Variants in GRID1 observed in about 807,000 individuals in gnomAD.
GRID1 encodes glutamate receptor ionotropic, delta-1.
A neutral mutation model predicts 98.0 loss-of-function variants in GRID1; 28 were observed. The observed-to-expected ratio is 0.29, with a 90% CI of 0.21 to 0.39. The LOEUF (loss-of-function observed/expected upper bound fraction) is 0.39. Ranked by LOEUF, GRID1 falls within the 10% of genes least tolerant of loss-of-function variation. The pLI, the probability that GRID1 is intolerant of heterozygous loss-of-function variation, is 1.00. For missense variants in GRID1, 1,111 were observed against 1,340.5 expected (o/e 0.83, Z 2.67); for synonymous variants, 553 against 538.5 (o/e 1.03, Z -0.37).
At chr10:86,149,223 G>A (rs1055935739) in intron 3 of GRID1, among the ~76,000 whole-genome samples, 2 of 152,266 alleles carry the variant, frequency 1.3e-5, no homozygotes. Flanking sequence ...GTGGCTTGAA[G>A]GGGAAGGTCT....
chr10:85,807,347 CT>C (rs138151392), intron 8 of GRID1, among the ~76,000 whole-genome samples: 4,950 of 149,184 alleles, frequency 0.033, 122 homozygotes, highest in Non-Finnish European at 0.047. Flanking sequence ...AAGATTCCAT[CT>C]CCTCAAATAA....
At chr10:85,787,607 G>C (rs1387905993) in intron 8 of GRID1, among the ~76,000 whole-genome samples, 1 of 152,186 alleles carries the variant, frequency 6.6e-6, no homozygotes, top group Non-Finnish European at 1.5e-5. Context: ...CCTTCCAAGA[G>C]CCTGCCCAGC....
intron 2 of GRID1, among the ~76,000 whole-genome samples, chr10:86,242,081 T>C (rs918807047): frequency 2.0e-5 from 3 of 152,262 alleles, no homozygotes; most frequent in Admixed American, 1.3e-4. Context: ...GCATTTACTA[T>C]GTGCCAAGCC....
intron 8 of GRID1, among the ~76,000 whole-genome samples, chr10:85,769,707 G>C (rs980963051): frequency 6.6e-6 from 1 of 152,214 alleles, no homozygotes; most frequent in East Asian, 1.9e-4. Context: ...TACACCCACG[G>C]AGTCTCGCTG....
intron 5 of GRID1, among the ~76,000 whole-genome samples, chr10:85,873,094 G>A (rs867011758): frequency 1.3e-5 from 2 of 152,176 alleles, no homozygotes; most frequent in African/African-American, 4.8e-5. Context: ...CTCTTGTAGT[G>A]CCACAGGGGT....
At chr10:86,094,494 CAA>C (rs1436334173) in intron 4 of GRID1, among the ~76,000 whole-genome samples, 3 of 152,146 alleles carry the variant, frequency 2.0e-5, no homozygotes, top group African/African-American at 7.2e-5. Flanking sequence ...AAGAATTGAG[CAA>C]AGTTTCCAGA....
chr10:86,349,793 T>C (rs1179525713), intron 2 of GRID1, among the ~76,000 whole-genome samples: 1 of 152,146 alleles, frequency 6.6e-6, no homozygotes, highest in Non-Finnish European at 1.5e-5. Flanking sequence ...CTGTTGCCCA[T>C]CCAAGGACTT....
chr10:86,030,925 G>A (rs1187902861), intron 4 of GRID1, among the ~76,000 whole-genome samples: 1 of 152,112 alleles, frequency 6.6e-6, no homozygotes, highest in Non-Finnish European at 1.5e-5. Flanking sequence ...CTCTTTGCCA[G>A]CCACGTGTAC....
At chr10:85,728,190 C>A (rs1056941461) in intron 9 of GRID1, 138 bp from the exon 10 acceptor site, 1 of 684,464 alleles carries the variant, frequency 1.5e-6, no homozygotes, top group Non-Finnish European at 2.6e-6. Context: ...AACTTCTCTG[C>A]CTTTTTCTAA....
At chr10:85,634,279 TCTCTCTCTCTCTCACA>T (rs1303681779) in intron 13 of GRID1, among the ~76,000 whole-genome samples, 27 of 145,530 alleles carry the variant, frequency 1.9e-4, no homozygotes, top group Admixed American at 5.5e-4. Flanking sequence ...TCTCTCTCTC[TCTCTCTCTCTCTCACA>T]CACACACACA....
chr10:86,288,221 C>T (rs72845106), intron 2 of GRID1, among the ~76,000 whole-genome samples: 3 of 152,322 alleles, frequency 2.0e-5, no homozygotes, highest in Non-Finnish European at 2.9e-5. Context: ...AGTTCAGCAG[C>T]GAACACCAAG....
At chr10:86,305,315 C>T (rs185290504) in intron 2 of GRID1, among the ~76,000 whole-genome samples, 19 of 152,284 alleles carry the variant, frequency 1.2e-4, no homozygotes, top group African/African-American at 9.6e-5. Flanking sequence ...CAGGAGCACA[C>T]GACAGGTGCT....
At chr10:85,805,264 C>A (rs928606915) in intron 8 of GRID1, among the ~76,000 whole-genome samples, 4 of 151,466 alleles carry the variant, frequency 2.6e-5, no homozygotes, top group African/African-American at 9.7e-5. Context: ...AAACAGTGTA[C>A]AAAACATAAA....
Position 85,694,562 on chromosome 10 carries a change from A to G in GRID1, c.1997+28441T>C, listed in dbSNP as rs1207300286. Among the ~76,000 whole-genome samples the G allele has an allele frequency of 6.8e-3, 113 of 16,666 alleles. 4 individuals carry two copies. The highest frequency in any genetic ancestry group is 0.025 in the Middle Eastern group (1 of 40). 10.9% of individuals were successfully genotyped at this position (16,666 alleles called of 152,430 possible). ...GAAAATGTGGTGTGTATATATATAT[A>G]TATATATATATATATATATATATAT... On this transcript the variant is annotated intron_variant, in intron 12 of 15. Transcript: ENST00000327946.
chr10:85,948,726 T>G (rs1345351076), intron 4 of GRID1, among the ~76,000 whole-genome samples: 4 of 152,172 alleles, frequency 2.6e-5, no homozygotes, highest in Non-Finnish European at 5.9e-5. Context: ...TTCTATGAAC[T>G]TAATACCAGC....
Position 85,928,284 on chromosome 10 carries a change from T to C in GRID1, c.727-12045A>G, listed in dbSNP as rs1308390298. On this transcript the variant is annotated intron_variant, in intron 4 of 15. Transcript: ENST00000327946. ...GACCAGCCTGGGCAATATAGCAAGA[T>C]TGCATCTCTAAAACACTTACATAAA... Among the ~76,000 whole-genome samples the C allele has an allele frequency of 3.3e-5, 5 of 152,104 alleles. No individual in the cohort carries two copies. The East Asian group carries it at 5.8e-4, about 18-fold the overall frequency.
At chr10:86,095,678 A>G (rs1243488619) in intron 4 of GRID1, among the ~76,000 whole-genome samples, 2 of 152,228 alleles carry the variant, frequency 1.3e-5, no homozygotes, top group African/African-American at 4.8e-5. Flanking sequence ...TACTCCTGCA[A>G]GAATGGTCAT....
chr10:86,179,398 C>T (rs1845623476), intron 3 of GRID1, among the ~76,000 whole-genome samples: 1 of 152,206 alleles, frequency 6.6e-6, no homozygotes, highest in Non-Finnish European at 1.5e-5. Flanking sequence ...CGATGGCGTG[C>T]CAGGCAGCTT....
chr10:86,042,300 G>A (rs981709578), intron 4 of GRID1, among the ~76,000 whole-genome samples: 4 of 152,196 alleles, frequency 2.6e-5, no homozygotes, highest in Admixed American at 6.5e-5. Context: ...TGATACTCAC[G>A]CCTCTGGCCC....
Sources: allele counts gnomAD v4.1 joint callset (sites outside exome capture counted in the v4.1 genomes callset), GRCh38; gene constraint gnomAD v4.1.1; transcripts MANE v1.5; gene names NCBI Gene and HGNC (gene_info 2026-07-23, HGNC 2026-07-21).